Variants in EYS observed in about 807,000 individuals in gnomAD.
The protein encoded by EYS is protein eyes shut homolog.
EYS carries 250 observed loss-of-function variants against 282.1 expected under a neutral mutation model. The observed-to-expected ratio is 0.89, with a 90% CI of 0.80 to 0.98. The LOEUF (loss-of-function observed/expected upper bound fraction) is 0.98. EYS is among the 50% of genes least tolerant of loss of function. The pLI, the probability that EYS is intolerant of heterozygous loss-of-function variation, is 0.00. For synonymous variants in EYS, 1,355 were observed against 1,282.9 expected (o/e 1.06, Z -1.20); for missense variants, 4,016 against 3,709.0 (o/e 1.08, Z -2.15).
At chr6:63,884,292 A>G (rs1440158505) in intron 35 of EYS, among the ~76,000 whole-genome samples, 5 of 145,048 alleles carry the variant, frequency 3.4e-5, no homozygotes, top group African/African-American at 7.8e-5. Context: ...GCTTCCATCA[A>G]GTAAGTAAAA....
chr6:64,052,678 T>A (rs185744143), intron 33 of EYS, among the ~76,000 whole-genome samples: 7 of 152,300 alleles, frequency 4.6e-5, no homozygotes, highest in Admixed American at 1.3e-4. Flanking sequence ...ATTGTAATAA[T>A]CCTCACGTGT....
intron 12 of EYS, among the ~76,000 whole-genome samples, chr6:65,207,600 A>G (rs1766067272): frequency 6.6e-6 from 1 of 151,870 alleles, no homozygotes; most frequent in Non-Finnish European, 1.5e-5. Flanking sequence ...ACAAAGCCGG[A>G]GACATCACAT....
At chr6:64,085,325 TGCGCACGTGCGCGCGC>T (rs1772111607) in intron 31 of EYS, among the ~76,000 whole-genome samples, 1 of 81,916 alleles carries the variant, frequency 1.2e-5, no homozygotes, top group Non-Finnish European at 2.2e-5. Flanking sequence ...CGCGCGCGCG[TGCGCACGTGCGCGCGC>T]ACACACACAC....
intron 11 of EYS, among the ~76,000 whole-genome samples, chr6:65,318,552 T>C (rs867920761): frequency 1.8e-4 from 26 of 146,978 alleles, no homozygotes; most frequent in African/African-American, 6.2e-4. Flanking sequence ...ATATATTATA[T>C]ATATTTTATA....
At chr6:64,657,589 G>A (rs915307730) in intron 22 of EYS, among the ~76,000 whole-genome samples, 1 of 152,050 alleles carries the variant, frequency 6.6e-6, no homozygotes. Flanking sequence ...GTCTGTAAAG[G>A]TTTTTATTTC....
At chr6:64,160,162 G>A (rs949037166) in intron 31 of EYS, among the ~76,000 whole-genome samples, 2 of 151,912 alleles carry the variant, frequency 1.3e-5, no homozygotes, top group Non-Finnish European at 2.9e-5. Flanking sequence ...CTGGTAAAAG[G>A]CCATTTAAAA....
intron 26 of EYS, among the ~76,000 whole-genome samples, chr6:64,532,448 G>A (rs894944424): frequency 6.6e-6 from 1 of 152,158 alleles, no homozygotes; most frequent in Non-Finnish European, 1.5e-5. Flanking sequence ...GGTGGCTCAC[G>A]CCTGTAATCC....
At chr6:64,058,869 C>CT (rs1771071614) in intron 33 of EYS, among the ~76,000 whole-genome samples, 1 of 152,150 alleles carries the variant, frequency 6.6e-6, no homozygotes, top group African/African-American at 2.4e-5. Context: ...CCTCAATAGT[C>CT]TTTTCTGACA....
At chr6:65,100,796 C>A (rs1031012361) in intron 12 of EYS, among the ~76,000 whole-genome samples, 1 of 150,038 alleles carries the variant, frequency 6.7e-6, no homozygotes, top group African/African-American at 2.4e-5. Flanking sequence ...GAATAGAGAC[C>A]CAAGGTATAT....
intron 5 of EYS, among the ~76,000 whole-genome samples, chr6:65,461,598 T>G (rs1388044399): frequency 6.6e-6 from 1 of 152,078 alleles, no homozygotes; most frequent in Non-Finnish European, 1.5e-5. Flanking sequence ...CCTACACAAT[T>G]AAATGTTATT....
intron 11 of EYS, among the ~76,000 whole-genome samples, chr6:65,301,340 A>G (rs926921685): frequency 1.7e-4 from 26 of 152,286 alleles, no homozygotes; most frequent in African/African-American, 6.0e-4. Context: ...CCAAAGATAT[A>G]AGAAATTAGA....
chr6:65,575,869 C>A (rs1048795306), intron 2 of EYS, among the ~76,000 whole-genome samples: 9 of 151,860 alleles, frequency 5.9e-5, no homozygotes, highest in African/African-American at 1.9e-4. Flanking sequence ...TAGACACATA[C>A]AAAATACCAA....
rs114813425 is a variant in EYS, at chr6:65,660,654, T to C, written c.-447-20762A>G. ...ACAAACACACTCACACGCAATTATATATTTTTAGTACCCTATTACGTTTGA... is the reference window on the plus strand; with the variant it reads ...ACAAACACACTCACACGCAATTATACATTTTTAGTACCCTATTACGTTTGA... On this transcript the variant is annotated intron_variant, in intron 1 of 42. Transcript: ENST00000503581. 3.5e-3 allele frequency among the ~76,000 whole-genome samples: 524 copies of C among 151,844 alleles called. 5 individuals carry two copies. The highest frequency in any genetic ancestry group is 0.012 in the African/African-American group (498 of 41,532).
intron 35 of EYS, among the ~76,000 whole-genome samples, chr6:63,878,432 A>G (rs1342773318): frequency 6.6e-6 from 1 of 152,134 alleles, no homozygotes; most frequent in Admixed American, 6.6e-5. Flanking sequence ...TCCGGGACCC[A>G]CTTGAGGAGG....
At chr6:63,839,169 C>A (rs1273203573) in intron 36 of EYS, among the ~76,000 whole-genome samples, 1 of 152,146 alleles carries the variant, frequency 6.6e-6, no homozygotes, top group Non-Finnish European at 1.5e-5. Context: ...TCTCTGCTAT[C>A]TAACTTTTCT....
At chr6:65,583,360 G>A (rs1162402462) in intron 2 of EYS, among the ~76,000 whole-genome samples, 9 of 151,968 alleles carry the variant, frequency 5.9e-5, no homozygotes. Flanking sequence ...TTTTCAGTAA[G>A]ACAATTACTA....
chr6:64,429,616 G>A (rs896525522), intron 28 of EYS, among the ~76,000 whole-genome samples: 2 of 152,170 alleles, frequency 1.3e-5, no homozygotes, highest in African/African-American at 2.4e-5. Flanking sequence ...GGGTGATGGA[G>A]CAGGATTCTT....
intron 35 of EYS, among the ~76,000 whole-genome samples, chr6:63,949,989 T>C (rs533793076): frequency 2.0e-5 from 3 of 152,144 alleles, no homozygotes; most frequent in Admixed American, 2.0e-4. Flanking sequence ...CTGGCCAAGA[T>C]GGTGAAACCT....
At chr6:65,417,946 A>G (rs1251349834) in intron 5 of EYS, among the ~76,000 whole-genome samples, 1 of 151,984 alleles carries the variant, frequency 6.6e-6, no homozygotes, top group Admixed American at 6.6e-5. Flanking sequence ...TGGGGAGCAA[A>G]TAGATATGGC....
Sources: allele counts gnomAD v4.1 joint callset (sites outside exome capture counted in the v4.1 genomes callset), GRCh38; gene constraint gnomAD v4.1.1; transcripts MANE v1.5; gene names NCBI Gene and HGNC (gene_info 2026-07-23, HGNC 2026-07-21).